Variants in HEATR5A observed in about 807,000 individuals in gnomAD.
The protein encoded by HEATR5A is HEAT repeat-containing protein 5A.
In HEATR5A, 178 loss-of-function variants were observed where a neutral mutation model predicts 218.8. The observed-to-expected ratio is 0.81, with a 90% confidence interval of 0.72 to 0.92. The LOEUF is 0.92. Ranked by LOEUF, HEATR5A falls within the 40% of genes least tolerant of loss-of-function variation. The probability of loss-of-function intolerance (pLI) is 0.00; values close to 1 mark genes in which losing one functional copy is unlikely to be tolerated. For missense variants in HEATR5A, 2,420 were observed against 2,418.9 expected (o/e 1.00, Z -0.01); for synonymous variants, 864 against 871.6 (o/e 0.99, Z 0.15).
chr14:31,318,791 C>T (rs1274558763), intron 25 of HEATR5A, among the ~76,000 whole-genome samples: 1 of 152,112 alleles, frequency 6.6e-6, no homozygotes, highest in African/African-American at 2.4e-5. Context: ...CCAGCCTCTC[C>T]CCAACTCTTA....
At chr14:31,315,009 C>A (rs939212875) in intron 27 of HEATR5A, among the ~76,000 whole-genome samples, 1 of 152,020 alleles carries the variant, frequency 6.6e-6, no homozygotes, top group African/African-American at 2.4e-5. Flanking sequence ...CCCATCTCTA[C>A]TAAAAATACA....
At chr14:31,313,647 G>A (rs1355937641) in intron 27 of HEATR5A, among the ~76,000 whole-genome samples, 1 of 152,146 alleles carries the variant, frequency 6.6e-6, no homozygotes, top group Non-Finnish European at 1.5e-5. Flanking sequence ...GCAACACAGT[G>A]TATAACATGC....
At chr14:31,378,586 G>A (rs1033371186) in intron 11 of HEATR5A, among the ~76,000 whole-genome samples, 2 of 152,034 alleles carry the variant, frequency 1.3e-5, no homozygotes, top group Non-Finnish European at 2.9e-5. Context: ...AGCACATCGA[G>A]GCCATCCTGG....
rs182741013 is a variant in HEATR5A, at chr14:31,309,215, T to A, written c.4442-33A>T. On this transcript the variant is annotated intron_variant, in intron 28 of 35. Coordinates refer to ENST00000543095, the MANE Select transcript of HEATR5A (RefSeq NM_015473.4). ...AAACAGTTTCAGGAAAAATAAGAGA[T>A]TAACTTCCAATATATTTTCTCTTTT... 920 of 1,597,764 alleles carry A rather than the reference T, an allele frequency of 5.8e-4. 1 individual carries two copies. Among genetic ancestry groups the A allele is most frequent in the Non-Finnish European group, 7.5e-4 (874 of 1,170,328 alleles).
chr14:31,326,401 A>G (rs1900267099), intron 22 of HEATR5A, 59 bp from the exon 23 acceptor site: 1 of 1,194,386 alleles, frequency 8.4e-7, no homozygotes, highest in Non-Finnish European at 1.2e-6. Flanking sequence ...CCATATCAGA[A>G]GCTCACACAT....
intron 31 of HEATR5A, 129 bp downstream of exon 31, chr14:31,306,603 G>T: frequency 1.1e-6 from 1 of 920,016 alleles, no homozygotes; most frequent in Non-Finnish European, 1.5e-6. Flanking sequence ...AGTAAAATAA[G>T]GCCATGCCTA....
At chr14:31,380,693 TAAAG>T in intron 10 of HEATR5A, 115 bp from the exon 11 acceptor site, 1 of 683,744 alleles carries the variant, frequency 1.5e-6, no homozygotes, top group Non-Finnish European at 2.5e-6. Flanking sequence ...ATGTAAACGA[TAAAG>T]AACTGTCATT....
intron 5 of HEATR5A, among the ~76,000 whole-genome samples, chr14:31,394,586 C>T (rs920963841): frequency 9.9e-5 from 15 of 151,940 alleles, no homozygotes; most frequent in Non-Finnish European, 1.8e-4. Context: ...GAGGCCAAGG[C>T]GGGCGGATCA....
chr14:31,346,030 C>T (rs1465267476), intron 19 of HEATR5A, among the ~76,000 whole-genome samples: 2 of 152,050 alleles, frequency 1.3e-5, no homozygotes, highest in Non-Finnish European at 2.9e-5. Flanking sequence ...ATTTTGTGTA[C>T]GTTTTAATGT....
Position 31,293,875 on chromosome 14 carries a change from T to C in HEATR5A, c.5833+16A>G. ...TTTTTGTTGAGACTGAGTATGAATT[T>C]AGTGCTGACACTTACGATGGTGTTC... On this transcript the variant is annotated intron_variant, in intron 35 of 35. Coordinates refer to ENST00000543095, the MANE Select transcript of HEATR5A (RefSeq NM_015473.4). The C allele has an allele frequency of 6.4e-7, 1 of 1,570,388 alleles. No homozygotes were observed. The highest frequency in any genetic ancestry group is 8.7e-7 in the Non-Finnish European group (1 of 1,152,308).
chr14:31,307,214 A>G (rs1230165193), intron 30 of HEATR5A, among the ~76,000 whole-genome samples: 1 of 152,198 alleles, frequency 6.6e-6, no homozygotes, highest in Admixed American at 6.5e-5. Flanking sequence ...CTTAAATAAT[A>G]GACAGTCTTT....
At chr14:31,407,604 A>ATATT (rs1555372424) in intron 1 of HEATR5A, among the ~76,000 whole-genome samples, 23 of 1,420 alleles carry the variant, frequency 0.016, no homozygotes, top group African/African-American at 0.024. Context: ...ATATATATAT[A>ATATT]TATATATATA....
chr14:31,300,781 A>C (rs918964753), intron 33 of HEATR5A, among the ~76,000 whole-genome samples: 2 of 152,104 alleles, frequency 1.3e-5, no homozygotes, highest in Non-Finnish European at 2.9e-5. Context: ...TTCCCTTCAC[A>C]GATGTTGTTT....
At chr14:31,398,906 A>G in intron 3 of HEATR5A, 125 bp from the exon 4 acceptor site, 13 of 612,994 alleles carry the variant, frequency 2.1e-5, no homozygotes, top group Non-Finnish European at 2.0e-5. Flanking sequence ...CTTTCTTTGT[A>G]TTATCCTTTG....
intron 1 of HEATR5A, among the ~76,000 whole-genome samples, chr14:31,416,148 C>T (rs760528433): frequency 6.6e-6 from 1 of 152,012 alleles, no homozygotes; most frequent in Non-Finnish European, 1.5e-5. Context: ...GATGGAGTCT[C>T]GCTCTGTCGC....
At chr14:31,396,140 T>C (rs1426332396) in intron 4 of HEATR5A, among the ~76,000 whole-genome samples, 1 of 152,120 alleles carries the variant, frequency 6.6e-6, no homozygotes, top group Non-Finnish European at 1.5e-5. Context: ...GCCGATTGCT[T>C]GAGCTCAGGA....
At chr14:31,381,154 A>T (rs1342371438) in intron 10 of HEATR5A, among the ~76,000 whole-genome samples, 4 of 152,182 alleles carry the variant, frequency 2.6e-5, no homozygotes, top group African/African-American at 9.6e-5. Flanking sequence ...AGGCTGAGGC[A>T]GAAGAATCGC....
chr14:31,359,198 G>A, intron 14 of HEATR5A, 141 bp from the exon 15 acceptor site: 1 of 780,558 alleles, frequency 1.3e-6, no homozygotes, highest in Non-Finnish European at 2.0e-6. Flanking sequence ...TCTCATCCTT[G>A]AAAACTGCCC....
rs577497140 is a variant in HEATR5A, at chr14:31,344,268, C to CTTTTTTTTTTTTTTTTTTTTT, written c.3059-224_3059-204dup. Among the ~76,000 whole-genome samples, 10 of 50,830 alleles carry CTTTTTTTTTTTTTTTTTTTTT rather than the reference C, an allele frequency of 2.0e-4. 4 individuals carry two copies. The highest frequency in any genetic ancestry group is 3.3e-4 in the Non-Finnish European group (9 of 27,196). The allele number at this position is 50,830 out of a possible 152,430, so 33.3% of individuals were successfully genotyped here. A position where few individuals can be genotyped will look rare whatever the true frequency, so the allele number is the denominator to read the frequency against. Reference sequence around the variant, plus strand: ...GTTACAGATTGTTAGATTAGTTATTCTTTTTTTTTTTTTTTTTTTTTTTTT... The same window carrying CTTTTTTTTTTTTTTTTTTTTT: ...GTTACAGATTGTTAGATTAGTTATTCTTTTTTTTTTTTTTTTTTTTTTTTTTTTTTTTTTTTTTTTTTTTTT... On this transcript the variant is annotated intron_variant, in intron 20 of 35. Coordinates refer to ENST00000543095, the MANE Select transcript of HEATR5A (RefSeq NM_015473.4).
Sources: allele counts gnomAD v4.1 joint callset (sites outside exome capture counted in the v4.1 genomes callset), GRCh38; gene constraint gnomAD v4.1.1; transcripts MANE v1.5; gene names NCBI Gene and HGNC (gene_info 2026-07-23, HGNC 2026-07-21).